RALGAPA2: variants seen among roughly 807,000 people sequenced by gnomAD.
RALGAPA2 encodes the protein Ral GTPase activating protein catalytic subunit alpha 2.
In RALGAPA2, 139 loss-of-function variants were observed where a neutral mutation model predicts 230.4. The ratio of observed to expected loss-of-function variants is 0.60; its 90% CI spans 0.53 to 0.69. The LOEUF is 0.69. Among genes scored for constraint, RALGAPA2 ranks in the 30% least tolerant of loss-of-function variants. The pLI, the probability that RALGAPA2 is intolerant of heterozygous loss-of-function variation, is 0.00. For synonymous variants in RALGAPA2, 847 were observed against 837.8 expected (o/e 1.01, Z -0.19); for missense variants, 2,163 against 2,276.0 (o/e 0.95, Z 1.01).
intron 36 of RALGAPA2, among the ~76,000 whole-genome samples, chr20:20,484,620 C>T (rs2061861238): frequency 6.6e-6 from 1 of 152,120 alleles, no homozygotes; most frequent in Non-Finnish European, 1.5e-5. Context: ...TTAATTGGGC[C>T]TGTAAGTGAT....
At chr20:20,449,780 T>C (rs913760706) in intron 37 of RALGAPA2, among the ~76,000 whole-genome samples, 7 of 152,240 alleles carry the variant, frequency 4.6e-5, no homozygotes, top group African/African-American at 1.4e-4. Flanking sequence ...ATATATGCTG[T>C]TGTCTGGAAC....
At chr20:20,557,062 C>A (rs535133394) in intron 23 of RALGAPA2, among the ~76,000 whole-genome samples, 4 of 152,180 alleles carry the variant, frequency 2.6e-5, no homozygotes, top group Non-Finnish European at 5.9e-5. Context: ...GTAATCCCAG[C>A]ACTTTGGGAG....
intron 31 of RALGAPA2, among the ~76,000 whole-genome samples, chr20:20,516,565 T>G (rs1036352580): frequency 2.0e-5 from 3 of 152,094 alleles, no homozygotes; most frequent in Non-Finnish European, 4.4e-5. Flanking sequence ...TAACTACAAT[T>G]AAAACCAGCA....
At chr20:20,498,207 T>C (rs969607136) in intron 35 of RALGAPA2, among the ~76,000 whole-genome samples, 1 of 152,144 alleles carries the variant, frequency 6.6e-6, no homozygotes, top group African/African-American at 2.4e-5. Flanking sequence ...ACAAGTCAAG[T>C]TGATCTGGTT....
chr20:20,693,600 G>A (rs1191568716), intron 1 of RALGAPA2, among the ~76,000 whole-genome samples: 1 of 152,168 alleles, frequency 6.6e-6, no homozygotes, highest in Non-Finnish European at 1.5e-5. Context: ...TGAGGAGAGT[G>A]TTTACAGCTG....
chr20:20,589,143 G>A, intron 18 of RALGAPA2, 125 bp downstream of exon 18: 1 of 1,257,284 alleles, frequency 8.0e-7, no homozygotes, highest in Non-Finnish European at 1.0e-6. Flanking sequence ...ACATCATTTG[G>A]GCCTATAAAC....
intron 38 of RALGAPA2, among the ~76,000 whole-genome samples, chr20:20,405,503 C>A (rs2059927063): frequency 6.6e-6 from 1 of 152,202 alleles, no homozygotes. Context: ...AGCAGTGGCA[C>A]TTTCCTAGCC....
chr20:20,406,303 A>T (rs755728947), intron 38 of RALGAPA2, among the ~76,000 whole-genome samples: 6 of 152,114 alleles, frequency 3.9e-5, no homozygotes, highest in Non-Finnish European at 7.4e-5. Context: ...ATTGAATCCC[A>T]CTGGGTCTTG....
intron 39 of RALGAPA2, among the ~76,000 whole-genome samples, chr20:20,396,204 G>GT (rs1420745441): frequency 1.3e-5 from 2 of 152,278 alleles, no homozygotes; most frequent in African/African-American, 4.8e-5. Context: ...GCTTTTGTCC[G>GT]CTTTTCCTTC....
chr20:20,693,339 T>A (rs1009377928), intron 1 of RALGAPA2, among the ~76,000 whole-genome samples: 3 of 152,212 alleles, frequency 2.0e-5, no homozygotes, highest in Non-Finnish European at 4.4e-5. Context: ...AAACACACTA[T>A]AGAAACTGAT....
chr20:20,394,703 A>G (rs1001989424), intron 39 of RALGAPA2, among the ~76,000 whole-genome samples: 7 of 152,100 alleles, frequency 4.6e-5, no homozygotes, highest in African/African-American at 1.4e-4. Flanking sequence ...CAGCACAGCT[A>G]GACCATCATC....
chr20:20,397,807 A>G (rs2059749228), intron 38 of RALGAPA2, among the ~76,000 whole-genome samples: 2 of 152,212 alleles, frequency 1.3e-5, no homozygotes, highest in Admixed American at 6.5e-5. Flanking sequence ...ATCTTTTCCA[A>G]TCTATTGATG....
intron 37 of RALGAPA2, among the ~76,000 whole-genome samples, chr20:20,430,204 G>A (rs1369054191): frequency 6.6e-6 from 1 of 152,240 alleles, no homozygotes; most frequent in Non-Finnish European, 1.5e-5. Flanking sequence ...TGGACCTAGT[G>A]GCACCCGGTC....
intron 1 of RALGAPA2, among the ~76,000 whole-genome samples, chr20:20,687,136 T>C (rs1258046593): frequency 1.3e-5 from 2 of 152,074 alleles, no homozygotes; most frequent in African/African-American, 4.8e-5. Flanking sequence ...AACAGGCTGG[T>C]GATAGGAAAA....
intron 14 of RALGAPA2, among the ~76,000 whole-genome samples, chr20:20,607,094 G>A (rs1489221717): frequency 6.6e-6 from 1 of 152,120 alleles, no homozygotes; most frequent in East Asian, 1.9e-4. Context: ...ATGCAAATAG[G>A]CTCCCACTCT....
intron 10 of RALGAPA2, among the ~76,000 whole-genome samples, chr20:20,628,424 C>G (rs954213738): frequency 6.6e-5 from 10 of 152,202 alleles, no homozygotes; most frequent in Non-Finnish European, 1.3e-4. Context: ...CACCAATAGG[C>G]CACATTCCCT....
intron 33 of RALGAPA2, among the ~76,000 whole-genome samples, chr20:20,511,006 A>C (rs2062689468): frequency 6.6e-6 from 1 of 152,232 alleles, no homozygotes; most frequent in South Asian, 2.1e-4. Flanking sequence ...TGGCAGCCAC[A>C]AAGAAAGATA....
chr20:20,665,976 C>T (rs1209420254), intron 3 of RALGAPA2, among the ~76,000 whole-genome samples: 1 of 152,236 alleles, frequency 6.6e-6, no homozygotes, highest in Non-Finnish European at 1.5e-5. Flanking sequence ...GGCAAGATCA[C>T]ACTATGCCAT....
intron 1 of RALGAPA2, among the ~76,000 whole-genome samples, chr20:20,686,720 T>C (rs2068714276): frequency 6.6e-6 from 1 of 152,152 alleles, no homozygotes; most frequent in Admixed American, 6.5e-5. Context: ...ACTACCAGTA[T>C]ACACACCCAC....
Sources: gnomAD v4.1 joint callset for allele counts (sites outside exome capture counted in the v4.1 genomes callset) on GRCh38, gnomAD v4.1.1 for gene constraint, MANE v1.5 for transcripts, NCBI Gene and HGNC (gene_info 2026-07-23, HGNC 2026-07-21) for gene names.